Variants in GABRB3 observed in about 807,000 individuals in gnomAD.
The protein encoded by GABRB3 is gamma-aminobutyric acid type A receptor subunit beta3.
A neutral mutation model predicts 52.1 loss-of-function variants in GABRB3; 14 were observed. That is an observed-to-expected ratio of 0.27 (90% CI 0.18 to 0.42). The LOEUF is 0.42. Among genes scored for constraint, GABRB3 ranks in the 10% least tolerant of loss-of-function variants. GABRB3 has a pLI of 1.00. For missense variants in GABRB3, 307 were observed against 609.1 expected (o/e 0.50, Z 5.22); for synonymous variants, 260 against 232.3 (o/e 1.12, Z -1.08).
rs376020821 is a variant in GABRB3, at chr15:26,567,868, T to C, written c.683-135A>G. On this transcript the variant is annotated intron_variant, in intron 6 of 8. Coordinates refer to ENST00000311550, the MANE Select transcript of GABRB3 (RefSeq NM_000814.6). The stretch of plus-strand genomic sequence containing the variant: ...AGGGGTGACCCACCACCAAGCAGTT[T>C]GCTTCTGTCTGCTAGCGGTATTTAT... 2,031 of 784,592 alleles carry C rather than the reference T, an allele frequency of 2.6e-3. 14 individuals are homozygous for C. The highest frequency in any genetic ancestry group is 3.4e-3 in the Non-Finnish European group (1,568 of 461,052). 48.6% of individuals were successfully genotyped at this position (784,592 alleles called of 1,614,324 possible).
At chr15:26,574,601 A>G (rs1221256413) in intron 6 of GABRB3, among the ~76,000 whole-genome samples, 1 of 152,170 alleles carries the variant, frequency 6.6e-6, no homozygotes, top group Non-Finnish European at 1.5e-5. Flanking sequence ...ATGGCACAAC[A>G]TGGATGAACC....
intron 3 of GABRB3, chr15:26,716,592 C>T (rs1395487987): frequency 3.0e-6 from 3 of 992,474 alleles, no homozygotes; most frequent in African/African-American, 3.5e-5. Context: ...CTCACATCAA[C>T]TTGTGAATCC....
intron 4 of GABRB3, among the ~76,000 whole-genome samples, chr15:26,619,557 T>C (rs113673983): frequency 0.011 from 1,563 of 148,702 alleles, 23 homozygotes; most frequent in African/African-American, 0.036. Context: ...TTGGGATATA[T>C]ACCTAATGCT....
At chr15:26,608,310 C>T (rs772321399) in intron 4 of GABRB3, among the ~76,000 whole-genome samples, 8 of 151,960 alleles carry the variant, frequency 5.3e-5, no homozygotes, top group Non-Finnish European at 1.0e-4. Context: ...GAAATCAACT[C>T]AAAATTGATT....
chr15:26,696,130 T>C (rs200030390), intron 3 of GABRB3, among the ~76,000 whole-genome samples: 1 of 152,220 alleles, frequency 6.6e-6, no homozygotes, highest in East Asian at 1.9e-4. Context: ...ATTGGACTTA[T>C]AGGAATCTAG....
chr15:26,749,281 T>C lies in GABRB3; in HGVS notation c.240+23121A>G, dbSNP rs113328480. On this transcript the variant is annotated intron_variant, in intron 3 of 8. Transcript: ENST00000311550. ...TCTTTGAGACTTTCTCTTAGACTTA[T>C]GGATTACTTAAAAGTTTACTGTTTA... Among the ~76,000 whole-genome samples, 246 of 152,304 alleles carry C rather than the reference T, an allele frequency of 1.6e-3. 1 individual carries two copies. The highest frequency in any genetic ancestry group is 5.7e-3 in the African/African-American group (237 of 41,586).
At chr15:26,753,841 G>C (rs1261638304) in intron 3 of GABRB3, among the ~76,000 whole-genome samples, 1 of 152,148 alleles carries the variant, frequency 6.6e-6, no homozygotes, top group Non-Finnish European at 1.5e-5. Flanking sequence ...TCTGGGGCGA[G>C]GGCAGGCTAC....
chr15:26,616,220 C>A (rs1312307147), intron 4 of GABRB3, among the ~76,000 whole-genome samples: 1 of 152,166 alleles, frequency 6.6e-6, no homozygotes, highest in Non-Finnish European at 1.5e-5. Context: ...GCCATGTGAG[C>A]ACTCACACCT....
Position 26,548,574 on chromosome 15 carries a change from TAC to T in GABRB3, c.1081-442_1081-441del, listed in dbSNP as rs1889345595. 2.0e-5 allele frequency among the ~76,000 whole-genome samples: 3 copies of T among 152,280 alleles called. No homozygotes were observed. In the South Asian group the frequency reaches 6.2e-4, roughly 32 times the overall value. On this transcript the variant is annotated intron_variant, in intron 8 of 8. Coordinates refer to ENST00000311550, the MANE Select transcript of GABRB3 (RefSeq NM_000814.6). ...TGATGATATAACACACCCAAATTAC[TAC>T]AGAGAAACACATGAATAGTCCTGTG...
chr15:26,653,632 T>C (rs1210057186), intron 3 of GABRB3, among the ~76,000 whole-genome samples: 1 of 152,200 alleles, frequency 6.6e-6, no homozygotes, highest in Admixed American at 6.5e-5. Flanking sequence ...TCTTTCTCTA[T>C]TGCAATTCCT....
intron 3 of GABRB3, among the ~76,000 whole-genome samples, chr15:26,660,618 G>C (rs1887512166): frequency 6.6e-6 from 1 of 152,176 alleles, no homozygotes; most frequent in African/African-American, 2.4e-5. Context: ...GCCAGATTCT[G>C]TGGGATATTT....
intron 4 of GABRB3, chr15:26,590,313 A>G (rs1483400810): frequency 6.6e-6 from 1 of 152,084 alleles, no homozygotes; most frequent in Non-Finnish European, 1.5e-5. Flanking sequence ...TCTGGCTTGC[A>G]CTCGAGATGC....
chr15:26,603,650 T>C (rs1891666798), intron 4 of GABRB3, among the ~76,000 whole-genome samples: 1 of 152,058 alleles, frequency 6.6e-6, no homozygotes, highest in African/African-American at 2.4e-5. Flanking sequence ...ACACACTGTG[T>C]CAACAGAATG....
chr15:26,548,464 G>A (rs1234367669), intron 8 of GABRB3, among the ~76,000 whole-genome samples: 1 of 152,082 alleles, frequency 6.6e-6, no homozygotes, highest in Non-Finnish European at 1.5e-5. Flanking sequence ...TGTTAACTTA[G>A]GTGCTCTAAC....
intron 6 of GABRB3, among the ~76,000 whole-genome samples, chr15:26,574,949 G>A (rs1890542211): frequency 6.6e-6 from 1 of 152,114 alleles, no homozygotes; most frequent in South Asian, 2.1e-4. Context: ...TATTTTTACT[G>A]GCAATCAAAT....
At chr15:26,647,189 G>A (rs11161327) in intron 3 of GABRB3, among the ~76,000 whole-genome samples, 37,728 of 152,048 alleles carry the variant, frequency 0.25, 5,941 homozygotes, top group East Asian at 0.82. Flanking sequence ...CTTTGCCCAC[G>A]TATGTTAAAA....
chr15:26,621,970 A>T lies in GABRB3; in HGVS notation c.241-436T>A, dbSNP rs1892500307. Among the ~76,000 whole-genome samples the T allele has an allele frequency of 6.6e-6, 1 of 152,136 alleles. No homozygotes were observed. The highest frequency in any genetic ancestry group is 1.5e-5 in the Non-Finnish European group (1 of 68,024). On this transcript the variant is annotated intron_variant, in intron 3 of 8. Coordinates refer to ENST00000311550, the MANE Select transcript of GABRB3 (RefSeq NM_000814.6). This position sits in a 1 kb window ranked among gnomAD's most constrained non-coding sequence, Gnocchi z 4.1. ...ACAAACTCTCTCTGCAATTTGAGCC[A>T]CTTTCCTCTGGTTCTGCCCTCCATG...
chr15:26,619,502 ACT>A (rs929887909), intron 4 of GABRB3, among the ~76,000 whole-genome samples: 35 of 119,520 alleles, frequency 2.9e-4, no homozygotes, highest in African/African-American at 1.1e-3. Flanking sequence ...GGAACTTCAC[ACT>A]CTGGGGACTG....
intron 3 of GABRB3, among the ~76,000 whole-genome samples, chr15:26,675,015 G>A (rs1258010045): frequency 6.6e-6 from 1 of 152,114 alleles, no homozygotes. Context: ...TCCCTGAGAA[G>A]GTAGGATCAA....
Sources: allele counts gnomAD v4.1 joint callset (sites outside exome capture counted in the v4.1 genomes callset), GRCh38; gene constraint gnomAD v4.1.1; non-coding constraint Gnocchi (gnomAD v3.1); transcripts MANE v1.5; gene names NCBI Gene and HGNC (gene_info 2026-07-23, HGNC 2026-07-21).